ARHGAP6: variants seen among roughly 807,000 people sequenced by gnomAD.
The protein encoded by ARHGAP6 is rho GTPase-activating protein 6.
ARHGAP6 carries 16 observed loss-of-function variants against 55.7 expected under a neutral mutation model. That is an observed-to-expected ratio of 0.29 (90% CI 0.19 to 0.44). The LOEUF is 0.44. Among genes scored for constraint, ARHGAP6 ranks in the 20% least tolerant of loss-of-function variants. The pLI is 1.00. For synonymous variants in ARHGAP6, 382 were observed against 360.9 expected, an observed-to-expected ratio of 1.06 and a Z score of -0.66; for missense variants, 698 against 808.9, an observed-to-expected ratio of 0.86 and a Z score of 1.66.
At chrX:11,296,894 A>G (rs1275669963) in intron 1 of ARHGAP6, 14 of 1,117,644 alleles carry the variant, frequency 1.3e-5, no homozygotes, top group Admixed American at 2.2e-5. Flanking sequence ...TGTAAAGAAT[A>G]GTGTGTTGAT....
intron 2 of ARHGAP6, among the ~76,000 whole-genome samples, chrX:11,220,853 T>C (rs1267584920): frequency 9.2e-6 from 1 of 108,177 alleles, no homozygotes; most frequent in African/African-American, 3.4e-5. Context: ...GGATAAAGAG[T>C]CAAGACCCAT....
intron 1 of ARHGAP6, among the ~76,000 whole-genome samples, chrX:11,602,189 T>C (rs891119462): frequency 3.6e-5 from 4 of 111,816 alleles, no homozygotes; most frequent in Non-Finnish European, 7.5e-5. Flanking sequence ...ATATAATTTG[T>C]TCCTAATATC....
intron 1 of ARHGAP6, among the ~76,000 whole-genome samples, chrX:11,568,748 T>C (rs1206666997): frequency 2.1e-5 from 2 of 94,139 alleles, no homozygotes; most frequent in Admixed American, 1.3e-4. Flanking sequence ...CAAAGTGAGA[T>C]ACTATCTCAA....
At chrX:11,348,122 T>C (rs1282594436) in intron 1 of ARHGAP6, among the ~76,000 whole-genome samples, 2 of 112,252 alleles carry the variant, frequency 1.8e-5, no homozygotes, top group Non-Finnish European at 3.8e-5. Flanking sequence ...AGTCAGTATC[T>C]TAGAGGCTGG....
In ARHGAP6 at chrX:11,502,119, T is replaced by C. The variant is rs1393096379; in HGVS notation, c.588+162122A>G. ...AACCTGGAAATAACTCATATGTTCA[T>C]CAATGGAATAAACTGTTGTATATTC... On this transcript the variant is annotated intron_variant, in intron 1 of 12. Transcript: ENST00000337414. 3.6e-5 allele frequency among the ~76,000 whole-genome samples: 4 copies of C among 112,619 alleles called. No individual in the cohort carries two copies. In the East Asian group the frequency reaches 1.1e-3, roughly 31 times the overall value.
chrX:11,583,984 T>C (rs1358125801), intron 1 of ARHGAP6, among the ~76,000 whole-genome samples: 1 of 111,900 alleles, frequency 8.9e-6, no homozygotes, highest in African/African-American at 3.2e-5. Context: ...CAGCAACATA[T>C]AAGAAAAGAT....
chrX:11,379,112 T>C (rs2049234762), intron 1 of ARHGAP6, among the ~76,000 whole-genome samples: 1 of 112,348 alleles, frequency 8.9e-6, no homozygotes, highest in Admixed American at 9.4e-5. Flanking sequence ...GTTGCTTAGC[T>C]ATGCAGCTCT....
chrX:11,410,965 G>GT (rs1223941621), intron 1 of ARHGAP6, among the ~76,000 whole-genome samples: 6 of 107,409 alleles, frequency 5.6e-5, no homozygotes, highest in Non-Finnish European at 1.2e-4. Context: ...AATAAAAAGA[G>GT]AGAAACAAAC....
intron 1 of ARHGAP6, among the ~76,000 whole-genome samples, chrX:11,451,798 C>T (rs889983045): frequency 7.1e-5 from 8 of 112,217 alleles, no homozygotes; most frequent in Non-Finnish European, 1.5e-4. Flanking sequence ...AGACTGGAAA[C>T]TCCTTGAAGG....
intron 1 of ARHGAP6, among the ~76,000 whole-genome samples, chrX:11,650,651 A>T (rs1180077760): frequency 8.9e-6 from 1 of 112,683 alleles, no homozygotes; most frequent in Non-Finnish European, 1.9e-5. Flanking sequence ...AACCCTGAAC[A>T]AAAACCTAAA....
intron 1 of ARHGAP6, among the ~76,000 whole-genome samples, chrX:11,449,222 A>G (rs62587962): frequency 0.16 from 17,221 of 111,094 alleles, 1,119 homozygotes; most frequent in Middle Eastern, 0.25. Flanking sequence ...CTCACCACCA[A>G]TGGTTTATTC....
intron 3 of ARHGAP6, among the ~76,000 whole-genome samples, chrX:11,195,132 G>A (rs1483483964): frequency 1.8e-5 from 2 of 110,997 alleles, no homozygotes; most frequent in East Asian, 5.6e-4. Flanking sequence ...GGCGGGAGGA[G>A]CACGAGGTCA....
intron 1 of ARHGAP6, among the ~76,000 whole-genome samples, chrX:11,527,524 A>C: frequency 8.9e-6 from 1 of 112,088 alleles, no homozygotes; most frequent in Non-Finnish European, 1.9e-5. Flanking sequence ...AGGCAGGAGA[A>C]TTGCTTGAAC....
At chrX:11,522,907 C>G (rs1172112364) in intron 1 of ARHGAP6, among the ~76,000 whole-genome samples, 4 of 111,140 alleles carry the variant, frequency 3.6e-5, no homozygotes, top group Non-Finnish European at 3.8e-5. Flanking sequence ...CATCCTGAAA[C>G]CAAAGCCGGG....
intron 1 of ARHGAP6, among the ~76,000 whole-genome samples, chrX:11,291,708 T>A (rs1307775725): frequency 3.6e-5 from 4 of 111,603 alleles, no homozygotes; most frequent in African/African-American, 1.3e-4. Flanking sequence ...TCAAAGGGAA[T>A]CCTTCTTGTC....
chrX:11,178,047 T>A, intron 8 of ARHGAP6, 53 bp downstream of exon 8: 4 of 1,205,632 alleles, frequency 3.3e-6, no homozygotes, highest in Non-Finnish European at 4.5e-6. Context: ...TATGCCCTTT[T>A]AAAATAGGGG....
At chrX:11,527,009 GGAGTGT>G (rs1569383427) in intron 1 of ARHGAP6, among the ~76,000 whole-genome samples, 4 of 67,862 alleles carry the variant, frequency 5.9e-5, no homozygotes, top group African/African-American at 2.1e-4. Context: ...GCTAATATGA[GGAGTGT>G]GTGTGTGTGT....
At chrX:11,440,125 CA>C (rs1344416638) in intron 1 of ARHGAP6, among the ~76,000 whole-genome samples, 1 of 112,347 alleles carries the variant, frequency 8.9e-6, no homozygotes, top group African/African-American at 3.2e-5. Context: ...GATTCTAAAA[CA>C]TCCATGTCTA....
At chrX:11,498,694 A>G (rs1320298449) in intron 1 of ARHGAP6, among the ~76,000 whole-genome samples, 1 of 111,803 alleles carries the variant, frequency 8.9e-6, no homozygotes, top group Non-Finnish European at 1.9e-5. Flanking sequence ...TAAATAGTAA[A>G]AAGTAAACCA....
Sources: allele counts gnomAD v4.1 joint callset (sites outside exome capture counted in the v4.1 genomes callset), GRCh38; gene constraint gnomAD v4.1.1; transcripts MANE v1.5; gene names NCBI Gene and HGNC (gene_info 2026-07-23, HGNC 2026-07-21).